RBM20: variants seen among roughly 807,000 people sequenced by gnomAD.
The protein encoded by RBM20 is RNA binding motif protein 20.
A neutral mutation model predicts 110.1 loss-of-function variants in RBM20; 51 were observed. The ratio of observed to expected loss-of-function variants is 0.46; its 90% CI spans 0.37 to 0.59. The LOEUF is 0.59. Ranked by LOEUF, RBM20 falls within the 20% of genes least tolerant of loss-of-function variation. The pLI, the probability that RBM20 is intolerant of heterozygous loss-of-function variation, is 0.00. For missense variants in RBM20, 1,512 were observed against 1,574.9 expected (o/e 0.96, Z 0.68); for synonymous variants, 589 against 618.2 (o/e 0.95, Z 0.70).
chr10:110,733,333 C>T (rs145371567), intron 1 of RBM20, among the ~76,000 whole-genome samples: 80 of 152,240 alleles, frequency 5.3e-4, no homozygotes, highest in Admixed American at 1.2e-3. Flanking sequence ...TCACCCCTGG[C>T]GGGGGATGTG....
At chr10:110,778,441 C>G (rs1261728047) in intron 1 of RBM20, among the ~76,000 whole-genome samples, 1 of 152,186 alleles carries the variant, frequency 6.6e-6, no homozygotes, top group Non-Finnish European at 1.5e-5. Flanking sequence ...ATGTCACTTG[C>G]TATGTCTCCC....
intron 1 of RBM20, among the ~76,000 whole-genome samples, chr10:110,718,524 G>A (rs1843461963): frequency 6.9e-6 from 1 of 145,828 alleles, no homozygotes; most frequent in Admixed American, 6.8e-5. Context: ...ATATACTGTA[G>A]GTTATTACAT....
chr10:110,799,295 A>G (rs1188930373), intron 6 of RBM20, among the ~76,000 whole-genome samples: 1 of 152,182 alleles, frequency 6.6e-6, no homozygotes, highest in Non-Finnish European at 1.5e-5. Flanking sequence ...CCATGGCATG[A>G]TGTAGCCCAG....
intron 1 of RBM20, among the ~76,000 whole-genome samples, chr10:110,752,941 A>ATTT (rs761640863): frequency 3.9e-4 from 36 of 92,328 alleles, no homozygotes; most frequent in Non-Finnish European, 6.5e-4. Flanking sequence ...ATATATATAT[A>ATTT]TATATTTTTT....
At chr10:110,821,150 G>A in intron 10 of RBM20, 125 bp from the exon 11 acceptor site, 1 of 781,048 alleles carries the variant, frequency 1.3e-6, no homozygotes, top group South Asian at 1.8e-5. Flanking sequence ...CACAGTAATT[G>A]TACCAGGTAG....
chr10:110,788,723 G>T (rs1274526084), intron 5 of RBM20, among the ~76,000 whole-genome samples: 1 of 152,186 alleles, frequency 6.6e-6, no homozygotes, highest in Non-Finnish European at 1.5e-5. Context: ...AAAATACTTT[G>T]CAAGTCTCCT....
chr10:110,727,007 C>T (rs1011119721), intron 1 of RBM20, among the ~76,000 whole-genome samples: 6 of 151,936 alleles, frequency 3.9e-5, no homozygotes, highest in African/African-American at 7.3e-5. Context: ...CCACACTGCC[C>T]GGCTGATTTT....
chr10:110,744,135 A>G (rs1240905237), intron 1 of RBM20, among the ~76,000 whole-genome samples: 1 of 152,018 alleles, frequency 6.6e-6, no homozygotes, highest in African/African-American at 2.4e-5. Flanking sequence ...AAACTCCTTC[A>G]CCTCTCAGTG....
chr10:110,723,407 C>T (rs1843530206), intron 1 of RBM20, among the ~76,000 whole-genome samples: 1 of 152,176 alleles, frequency 6.6e-6, no homozygotes, highest in Non-Finnish European at 1.5e-5. Flanking sequence ...TGTGGATTTG[C>T]CTCATCTGGA....
intron 1 of RBM20, among the ~76,000 whole-genome samples, chr10:110,766,800 C>T (rs1347470381): frequency 4.0e-5 from 6 of 151,340 alleles, no homozygotes; most frequent in Non-Finnish European, 7.4e-5. Context: ...TTCCACAAAA[C>T]CGCCATTGTC....
At chr10:110,719,454 G>C (rs760327669) in intron 1 of RBM20, among the ~76,000 whole-genome samples, 10 of 152,074 alleles carry the variant, frequency 6.6e-5, no homozygotes, top group Non-Finnish European at 1.2e-4. Context: ...TTCCTAACAG[G>C]TCTCACTGCC....
At chr10:110,800,156 C>G (rs1234637341) in intron 7 of RBM20, among the ~76,000 whole-genome samples, 1 of 152,134 alleles carries the variant, frequency 6.6e-6, no homozygotes, top group Non-Finnish European at 1.5e-5. Context: ...GGAAAGTTTT[C>G]CAGAAGAAGA....
chr10:110,761,980 G>C (rs921419878), intron 1 of RBM20, among the ~76,000 whole-genome samples: 4 of 152,232 alleles, frequency 2.6e-5, no homozygotes, highest in Admixed American at 6.5e-5. Flanking sequence ...GTCGAGGCCT[G>C]CGGATCACCT....
At position 110,823,760 on chromosome 10, in the gene RBM20, C is replaced by G; in HGVS notation, c.3451+146C>G. On this transcript the variant is annotated intron_variant, in intron 12 of 13. Coordinates refer to ENST00000369519, the MANE Select transcript of RBM20 (RefSeq NM_001134363.3). ...TGAGACAAGGTCTCACTCTGTCACC[C>G]AGGCTGCAGTGCAGTGGCATGATCT... 2.3e-6 allele frequency: 2 copies of G among 860,680 alleles called. 1 individual carries two copies. The allele number at this position is 860,680 out of a possible 1,614,324, so 53.3% of individuals were successfully genotyped here.
In RBM20 at chr10:110,644,655, G is replaced by A; in HGVS notation, c.191+10G>A. On this transcript the variant is annotated intron_variant, in intron 1 of 13. Transcript: ENST00000369519. This position sits in a 1 kb window ranked among gnomAD's most constrained non-coding sequence, Gnocchi z 4.3. ...CCCAGATCATCCAAAAGTAAGAAGG[G>A]AGAAGGGAACAGGGACCACGGGTGC... The A allele has an allele frequency of 6.7e-7, 1 of 1,490,926 alleles. No individual in the cohort carries two copies. Among genetic ancestry groups the A allele is most frequent in the Non-Finnish European group, 8.9e-7 (1 of 1,124,868 alleles). The allele number at this position is 1,490,926 out of a possible 1,614,324, so 92.4% of individuals were successfully genotyped here.
chr10:110,775,236 G>A (rs1055189439), intron 1 of RBM20, among the ~76,000 whole-genome samples: 2 of 152,126 alleles, frequency 1.3e-5, no homozygotes, highest in African/African-American at 4.8e-5. Flanking sequence ...CTCTCACCTC[G>A]ATTACTTTCT....
At chr10:110,660,148 G>A (rs997847195) in intron 1 of RBM20, among the ~76,000 whole-genome samples, 1 of 151,940 alleles carries the variant, frequency 6.6e-6, no homozygotes, top group Non-Finnish European at 1.5e-5. Context: ...CACAAATCAA[G>A]ACAACAGCAA....
intron 1 of RBM20, among the ~76,000 whole-genome samples, chr10:110,650,830 A>G (rs1419410775): frequency 1.3e-5 from 2 of 152,212 alleles, no homozygotes; most frequent in Admixed American, 6.5e-5. Flanking sequence ...CTCCAGTGTC[A>G]GGAGTAGACT....
In RBM20 at chr10:110,831,134, A is replaced by G. The variant is rs1590707156; in HGVS notation, c.3525A>G (p.Thr1175=). 1 of 1,551,684 alleles carries G rather than the reference A, an allele frequency of 6.4e-7. No individual in the cohort carries two copies. Among genetic ancestry groups the G allele is most frequent in the East Asian group, 2.4e-5 (1 of 40,926 alleles). ...GGCTGTTCTACACGAGCGAGGAGAC[A>G]GCAAAGATGAGCCACTGCCGCAGCG... ...LCGLFYTSEE[T]AKMSHCRSAV... is the part of the protein sequence containing the mutation. Residue 1175 remains threonine, a synonymous_variant, in exon 13 of 14, where the codon ACA becomes ACG. Coordinates refer to ENST00000369519, the MANE Select transcript of RBM20 (RefSeq NM_001134363.3).
Sources: allele counts gnomAD v4.1 joint callset (sites outside exome capture counted in the v4.1 genomes callset), GRCh38; gene constraint gnomAD v4.1.1; non-coding constraint Gnocchi (gnomAD v3.1); transcripts MANE v1.5; gene names NCBI Gene and HGNC (gene_info 2026-07-23, HGNC 2026-07-21).